Variants in DOC2B observed in about 807,000 individuals in gnomAD.
DOC2B encodes double C2-like domain-containing protein beta.
DOC2B carries 21 observed loss-of-function variants against 28.9 expected under a neutral mutation model. That is an observed-to-expected ratio of 0.73 (90% CI 0.52 to 1.05). DOC2B has a LOEUF of 1.05. Among genes scored for constraint, DOC2B ranks in the 50% least tolerant of loss-of-function variants. The pLI, the probability that DOC2B is intolerant of heterozygous loss-of-function variation, is 0.00. For synonymous variants in DOC2B, 194 were observed against 178.1 expected, an observed-to-expected ratio of 1.09 and a Z score of -0.71; for missense variants, 384 against 421.1, an observed-to-expected ratio of 0.91 and a Z score of 0.77.
In DOC2B at chr17:143,845, T is replaced by G. The variant is rs1487159497; in HGVS notation, c.*3596A>C. The G allele has an allele frequency of 6.6e-6, 1 of 152,210 alleles. No homozygotes were observed. The highest frequency in any genetic ancestry group is 6.5e-5 in the Admixed American group (1 of 15,288). 9.4% of individuals were successfully genotyped at this position (152,210 alleles called of 1,614,324 possible). A position where few individuals can be genotyped will look rare whatever the true frequency, so the allele number is the denominator to read the frequency against. On this transcript the variant is annotated 3_prime_UTR_variant, in exon 9 of 9. Coordinates refer to ENST00000613549, the MANE Select transcript of DOC2B (RefSeq NM_003585.5). ...GAGGACAGTGTCTGCAGCCGTCACA[T>G]GGCAGCAAAACGGGGTTAAGCAGTG...
chr17:160,687 G>A (rs2040190978), intron 5 of DOC2B, among the ~76,000 whole-genome samples: 1 of 152,162 alleles, frequency 6.6e-6, no homozygotes, highest in Non-Finnish European at 1.5e-5. Flanking sequence ...GGCTTCACCA[G>A]CCCTATGAAC....
intron 1 of DOC2B, among the ~76,000 whole-genome samples, chr17:175,235 C>CA (rs1017636554): frequency 4.6e-5 from 7 of 152,228 alleles, no homozygotes; most frequent in Middle Eastern, 3.4e-3. Context: ...GATCCTGTCT[C>CA]AAAAAAATAA....
chr17:158,881 C>T (rs2040166427), intron 5 of DOC2B, among the ~76,000 whole-genome samples: 1 of 152,000 alleles, frequency 6.6e-6, no homozygotes, highest in African/African-American at 2.4e-5. Flanking sequence ...CCCATCTCTA[C>T]TAAAAATACA....
In DOC2B at chr17:144,177, C is replaced by A. The variant is rs1420941380; in HGVS notation, c.*3264G>T. ...TTTTTTTTGGCATCAGATTTCCTGT[C>A]TTTGTGGGGATGATGGACCCGAGTA... On this transcript the variant is annotated 3_prime_UTR_variant, in exon 9 of 9. Transcript: ENST00000613549. 1.3e-5 allele frequency: 2 copies of A among 151,864 alleles called. No individual in the cohort carries two copies. Among genetic ancestry groups the A allele is most frequent in the Non-Finnish European group, 2.9e-5 (2 of 67,808 alleles). The allele number at this position is 151,864 out of a possible 1,614,324, so 9.4% of individuals were successfully genotyped here.
intron 4 of DOC2B, 59 bp downstream of exon 4, chr17:162,022 A>G: frequency 7.9e-7 from 1 of 1,265,568 alleles, no homozygotes; most frequent in Non-Finnish European, 1.1e-6. Context: ...CTTCATTAGG[A>G]AAAGCCGGGT....
At position 175,816 on chromosome 17, in the gene DOC2B, G is replaced by A. The variant is rs2040363768; in HGVS notation, c.374-3200C>T. On this transcript the variant is annotated intron_variant, in intron 1 of 8. Transcript: ENST00000613549. The stretch of plus-strand genomic sequence containing the variant: ...CTGGAGGGGAGAAGCCCCTGCACTG[G>A]CTCTACAGAAACCCCTGTCCAAGGA... Among the ~76,000 whole-genome samples the A allele has an allele frequency of 2.6e-5, 4 of 152,340 alleles. No homozygotes were observed. In the South Asian group the frequency reaches 8.3e-4, roughly 32 times the overall value.
intron 6 of DOC2B, among the ~76,000 whole-genome samples, chr17:150,934 A>G (rs1555521768): frequency 6.6e-6 from 1 of 152,174 alleles, no homozygotes; most frequent in Non-Finnish European, 1.5e-5. Flanking sequence ...AGGGCAACAC[A>G]CTATCTGACT....
rs549739546 is a variant in DOC2B at position 159,705 on chromosome 17, T to C, written c.765+1710A>G. Among the ~76,000 whole-genome samples the C allele has an allele frequency of 2.0e-5, 3 of 152,312 alleles. No individual in the cohort carries two copies. The East Asian group carries it at 5.8e-4, about 29-fold the overall frequency. On this transcript the variant is annotated intron_variant, in intron 5 of 8. Transcript: ENST00000613549. ...TCCCCAGCTGCACTCCTGCGGTCAC[T>C]GTGAGTCCCTGAACGGCACCAATGG...
chr17:162,110 T>C lies in DOC2B; in HGVS notation c.609A>G (p.Thr203=). The C allele has an allele frequency of 6.4e-7, 1 of 1,551,762 alleles. No individual in the cohort carries two copies. Among genetic ancestry groups the C allele is most frequent in the Non-Finnish European group, 8.7e-7 (1 of 1,146,912 alleles). ...GGGTCTTGCGGATCATGTCTTCATCTGTGATCCCGTAGTAAGTGAGGGTCT... is the reference window on the plus strand; with the variant it reads ...GGGTCTTGCGGATCATGTCTTCATCCGTGATCCCGTAGTAAGTGAGGGTCT... ...WNETLTYYGI[T]DEDMIRKTLR... The change falls in exon 4 of 9, where the codon ACA becomes ACG. Residue 203 remains threonine, a synonymous_variant. Transcript: ENST00000613549.
chr17:153,861 G>A (rs1333593144), intron 6 of DOC2B, among the ~76,000 whole-genome samples: 1 of 152,022 alleles, frequency 6.6e-6, no homozygotes, highest in Non-Finnish European at 1.5e-5. Context: ...TTCGACAGCT[G>A]TCCGTGTTAT....
In DOC2B at chr17:151,278, G is replaced by A. The variant is rs570359414; in HGVS notation, c.924-2086C>T. ...GAGCAAAACCCTGTCTCTAAAAAAA[G>A]AAAAGAAAAGAAAAACTCACTGGAT... On this transcript the variant is annotated intron_variant, in intron 6 of 8. Transcript: ENST00000613549. 3.9e-5 allele frequency among the ~76,000 whole-genome samples: 6 copies of A among 152,152 alleles called. 1 individual carries two copies. The South Asian group carries it at 1.2e-3, about 32-fold the overall frequency.
intron 2 of DOC2B, among the ~76,000 whole-genome samples, chr17:166,161 C>T (rs2040262442): frequency 6.6e-6 from 1 of 152,222 alleles, no homozygotes; most frequent in Non-Finnish European, 1.5e-5. Context: ...TCCCTGAGCA[C>T]CCTGGGCAGC....
chr17:148,103 G>C (rs1224948055), intron 8 of DOC2B, 70 bp downstream of exon 8: 2 of 398,214 alleles, frequency 5.0e-6, no homozygotes, highest in Non-Finnish European at 8.9e-6. Flanking sequence ...CCATGGACCA[G>C]GAAAGAGGGG....
rs535256876 is a variant in DOC2B at position 159,892 on chromosome 17, C to T, written c.765+1523G>A. ...TCACACACGAGCACACACACACACA[C>T]GCTGACACCCCACGTACATACCCAC... On this transcript the variant is annotated intron_variant, in intron 5 of 8. Coordinates refer to ENST00000613549, the MANE Select transcript of DOC2B (RefSeq NM_003585.5). Among the ~76,000 whole-genome samples the T allele has an allele frequency of 1.9e-4, 29 of 148,874 alleles. No homozygotes were observed. The South Asian group carries it at 3.5e-3, about 18-fold the overall frequency.
At chr17:158,533 G>A (rs1307718458) in intron 5 of DOC2B, among the ~76,000 whole-genome samples, 1 of 152,138 alleles carries the variant, frequency 6.6e-6, no homozygotes, top group Admixed American at 6.5e-5. Flanking sequence ...CACCTCCCAC[G>A]CCCAGAGCAG....
At chr17:162,028 C>T (rs1294447025) in intron 4 of DOC2B, 53 bp downstream of exon 4, 14 of 1,294,722 alleles carry the variant, frequency 1.1e-5, no homozygotes, top group South Asian at 2.5e-5. Flanking sequence ...TAGGAAAAGC[C>T]GGGTGGGAGT....
Position 162,173 on chromosome 17 carries a change from T to G in DOC2B, c.546A>C (p.Thr182=), listed in dbSNP as rs1555523344. ...GGTTCAGAGTGTTACGGAGAGTTTT[T>G]GTTCTGAGCTTATTTGCCTGGAGAA... ...PGASKANKLR[T]KTLRNTLNPT... Residue 182 remains threonine (T), a synonymous_variant, in exon 4 of 9, where the codon ACA becomes ACC. Transcript: ENST00000613549. The G allele has an allele frequency of 6.4e-7, 1 of 1,551,842 alleles. No homozygotes were observed. The highest frequency in any genetic ancestry group is 2.0e-5 in the Admixed American group (1 of 50,994).
Position 146,676 on chromosome 17 carries a change from C to G in DOC2B, c.*765G>C, listed in dbSNP as rs902148475. On this transcript the variant is annotated 3_prime_UTR_variant, in exon 9 of 9. Transcript: ENST00000613549. ...CCCTCACTCACCCTCCAAGGCCTTA[C>G]GGAAGCACCGCCTCCTCCAGGAAGC... is the stretch of plus-strand genomic sequence containing the variant. 3 of 152,326 alleles carry G rather than the reference C, an allele frequency of 2.0e-5. No individual in the cohort carries two copies. The highest frequency in any genetic ancestry group is 7.2e-5 in the African/African-American group (3 of 41,442). 9.4% of individuals were successfully genotyped at this position (152,326 alleles called of 1,614,324 possible).
At chr17:158,672 C>G (rs1555522862) in intron 5 of DOC2B, among the ~76,000 whole-genome samples, 1 of 152,256 alleles carries the variant, frequency 6.6e-6, no homozygotes, top group East Asian at 1.9e-4. Context: ...ATCTGCCGCT[C>G]AGGCAGAGCT....
Sources: allele counts gnomAD v4.1 joint callset (sites outside exome capture counted in the v4.1 genomes callset), GRCh38; gene constraint gnomAD v4.1.1; transcripts MANE v1.5; gene names NCBI Gene and HGNC (gene_info 2026-07-23, HGNC 2026-07-21).